The following RAP1GAP2 variants were observed in gnomAD, a reference collection of about 807,000 sequenced individuals.
The protein encoded by RAP1GAP2 is rap1 GTPase-activating protein 2.
In RAP1GAP2, 27 loss-of-function variants were observed where a neutral mutation model predicts 95.0. The ratio of observed to expected loss-of-function variants is 0.28; its 90% CI spans 0.21 to 0.39. The LOEUF is 0.39. Among genes scored for constraint, RAP1GAP2 ranks in the 10% least tolerant of loss-of-function variants. The pLI, the probability that RAP1GAP2 is intolerant of heterozygous loss-of-function variation, is 1.00. For synonymous variants in RAP1GAP2, 373 were observed against 380.9 expected, an observed-to-expected ratio of 0.98 and a Z score of 0.24; for missense variants, 771 against 970.0, an observed-to-expected ratio of 0.79 and a Z score of 2.72.
At position 2,905,386 on chromosome 17, in the gene RAP1GAP2, A is replaced by C. The variant is rs1486685100; in HGVS notation, c.165+18A>C. The stretch of plus-strand genomic sequence containing the variant: ...CCATGAAGGTAAGAGGCTTCGATTC[A>C]GGAAGGCAGGGAGGGGAGAGTGTGG... On this transcript the variant is annotated intron_variant, in intron 3 of 24. Transcript: ENST00000254695. 1.2e-6 allele frequency: 2 copies of C among 1,610,582 alleles called. No individual in the cohort carries two copies. Among genetic ancestry groups the C allele is most frequent in the Admixed American group, 3.3e-5 (2 of 59,910 alleles).
chr17:3,021,597 G>T (rs1242297318), intron 19 of RAP1GAP2, among the ~76,000 whole-genome samples: 2 of 152,088 alleles, frequency 1.3e-5, no homozygotes, highest in African/African-American at 4.8e-5. Context: ...CACCACACCG[G>T]CTAATTTTTG....
intron 1 of RAP1GAP2, among the ~76,000 whole-genome samples, chr17:2,788,545 G>C (rs1328222044): frequency 6.6e-6 from 1 of 152,056 alleles, no homozygotes; most frequent in Non-Finnish European, 1.5e-5. Context: ...TGATCCACCT[G>C]CCTTGGCCTC....
Position 2,925,524 on chromosome 17 carries a change from GC to G in RAP1GAP2, c.165+20157del, listed in dbSNP as rs569512399. On this transcript the variant is annotated intron_variant, in intron 3 of 24. Coordinates refer to ENST00000254695, the MANE Select transcript of RAP1GAP2 (RefSeq NM_015085.5). ...TCACGAGAACAGCGTGGGGAAAACC[GC>G]TCCCTCGCTCCACTCGTGGGGATTA... 4.4e-3 allele frequency among the ~76,000 whole-genome samples: 677 copies of G among 152,228 alleles called. 6 individuals carry two copies. Among genetic ancestry groups the G allele is most frequent in the African/African-American group, 0.016 (653 of 41,544 alleles).
At chr17:2,879,612 G>A (rs1318136047) in intron 2 of RAP1GAP2, among the ~76,000 whole-genome samples, 1 of 151,830 alleles carries the variant, frequency 6.6e-6, no homozygotes, top group African/African-American at 2.4e-5. Flanking sequence ...TGTAATCCCA[G>A]CTACTCAGGA....
At chr17:2,878,095 A>G (rs1251448377) in intron 2 of RAP1GAP2, among the ~76,000 whole-genome samples, 2 of 152,116 alleles carry the variant, frequency 1.3e-5, no homozygotes, top group African/African-American at 2.4e-5. Flanking sequence ...GGAAATGCAG[A>G]TGCGTAAAGG....
intron 2 of RAP1GAP2, among the ~76,000 whole-genome samples, chr17:2,826,516 G>A (rs531005711): frequency 6.6e-6 from 1 of 152,122 alleles, no homozygotes; most frequent in East Asian, 1.9e-4. Flanking sequence ...TGGGGGAACC[G>A]CCTGTCTCCT....
intron 2 of RAP1GAP2, among the ~76,000 whole-genome samples, chr17:2,802,745 T>C (rs1439820229): frequency 1.3e-5 from 2 of 149,978 alleles, no homozygotes; most frequent in South Asian, 2.1e-4. Flanking sequence ...TGCCATGGAG[T>C]AGTCCCGAAA....
chr17:2,897,617 C>T (rs1365652650), intron 2 of RAP1GAP2, among the ~76,000 whole-genome samples: 1 of 152,050 alleles, frequency 6.6e-6, no homozygotes, highest in African/African-American at 2.4e-5. Context: ...ACCTCAGCCT[C>T]CCAAGGTGCT....
At chr17:2,760,434 G>C (rs1296374495) in intron 1 of RAP1GAP2, among the ~76,000 whole-genome samples, 1 of 151,162 alleles carries the variant, frequency 6.6e-6, no homozygotes, top group Non-Finnish European at 1.5e-5. Flanking sequence ...TCTGCCTCCT[G>C]GGTTCAAACA....
At chr17:2,930,717 G>C (rs902900504) in intron 3 of RAP1GAP2, among the ~76,000 whole-genome samples, 2 of 152,188 alleles carry the variant, frequency 1.3e-5, no homozygotes, top group African/African-American at 4.8e-5. Context: ...GGTGCCTCTT[G>C]TGTTACCTTT....
chr17:2,872,295 A>G (rs2072877959), intron 2 of RAP1GAP2, among the ~76,000 whole-genome samples: 1 of 151,500 alleles, frequency 6.6e-6, no homozygotes, highest in Admixed American at 6.6e-5. Context: ...CGAGTTCTCC[A>G]AAACAAAGAG....
intron 2 of RAP1GAP2, among the ~76,000 whole-genome samples, chr17:2,826,698 C>T (rs2151533364): frequency 6.6e-6 from 1 of 152,124 alleles, no homozygotes; most frequent in South Asian, 2.1e-4. Context: ...GGCATCTAGC[C>T]CACGTGCAGC....
chr17:2,795,379 G>A (rs2069045833), upstream of RAP1GAP2, among the ~76,000 whole-genome samples: 1 of 152,232 alleles, frequency 6.6e-6, no homozygotes, highest in Non-Finnish European at 1.5e-5. Flanking sequence ...GTGCAGAGAT[G>A]AGCACTGGCC....
At chr17:2,905,459 T>C in intron 3 of RAP1GAP2, 91 bp downstream of exon 3, 2 of 1,277,980 alleles carry the variant, frequency 1.6e-6, no homozygotes, top group South Asian at 2.7e-5. Flanking sequence ...CCCAGCAGCG[T>C]CCGTCGCAGT....
At chr17:2,785,923 C>CTT (rs2068761335) in intron 1 of RAP1GAP2, among the ~76,000 whole-genome samples, 3 of 99,274 alleles carry the variant, frequency 3.0e-5, no homozygotes, top group African/African-American at 1.3e-4. Flanking sequence ...TTTTTTTAGA[C>CTT]AGAGATTTGC....
chr17:2,957,848 G>A, intron 4 of RAP1GAP2, 54 bp downstream of exon 4: 1 of 1,528,940 alleles, frequency 6.5e-7, no homozygotes, highest in Non-Finnish European at 8.9e-7. Flanking sequence ...AGATGTGGGT[G>A]GCATAGGGAC....
At chr17:2,996,144 C>T (rs1297622787) in intron 13 of RAP1GAP2, among the ~76,000 whole-genome samples, 1 of 152,116 alleles carries the variant, frequency 6.6e-6, no homozygotes, top group Non-Finnish European at 1.5e-5. Context: ...TCCTTCCCCA[C>T]CCCCAGCCTT....
rs973988919 is a variant in RAP1GAP2, at chr17:2,910,687, C to T, written c.165+5319C>T. Among the ~76,000 whole-genome samples the T allele has an allele frequency of 4.6e-5, 7 of 152,136 alleles. No individual in the cohort carries two copies. In the East Asian group the frequency reaches 9.6e-4, roughly 21 times the overall value. ...GGAAATGACTCTCCCAACGCAACGC[C>T]GTTCCTCCTCGAGTCAACAGAATAA... is the stretch of plus-strand genomic sequence containing the variant. On this transcript the variant is annotated intron_variant, in intron 3 of 24. Transcript: ENST00000254695.
At chr17:2,883,100 A>G (rs1457333550) in intron 2 of RAP1GAP2, among the ~76,000 whole-genome samples, 1 of 152,186 alleles carries the variant, frequency 6.6e-6, no homozygotes, top group African/African-American at 2.4e-5. Context: ...GCAGCAGAGC[A>G]GCTTCCAGGG....
Sources: allele counts gnomAD v4.1 joint callset (sites outside exome capture counted in the v4.1 genomes callset), GRCh38; gene constraint gnomAD v4.1.1; transcripts MANE v1.5; gene names NCBI Gene and HGNC (gene_info 2026-07-23, HGNC 2026-07-21).